Variants in AXIN1 observed in about 807,000 individuals in gnomAD.
AXIN1 encodes axin-1.
In AXIN1, 30 loss-of-function variants were observed where a neutral mutation model predicts 76.4. That is an observed-to-expected ratio of 0.39 (90% CI 0.29 to 0.53). The LOEUF (loss-of-function observed/expected upper bound fraction) is 0.53. Ranked by LOEUF, AXIN1 falls within the 20% of genes least tolerant of loss-of-function variation. AXIN1 has a pLI of 0.66. For missense variants in AXIN1, 1,140 were observed against 1,198.8 expected (o/e 0.95, Z 0.72); for synonymous variants, 545 against 501.4 (o/e 1.09, Z -1.16).
intron 2 of AXIN1, among the ~76,000 whole-genome samples, chr16:336,380 C>G (rs2141670710): frequency 6.6e-6 from 1 of 152,356 alleles, no homozygotes; most frequent in Admixed American, 6.5e-5. Context: ...GCACGTTACT[C>G]AGAAAAGGCA....
intron 2 of AXIN1, among the ~76,000 whole-genome samples, chr16:316,032 G>A (rs1191924635): frequency 4.6e-5 from 7 of 152,030 alleles, no homozygotes; most frequent in Non-Finnish European, 4.4e-5. Context: ...CAGCCTGGGC[G>A]ACAGAGTAAG....
chr16:334,731 C>T (rs2053768715), intron 2 of AXIN1, among the ~76,000 whole-genome samples: 1 of 151,880 alleles, frequency 6.6e-6, no homozygotes, highest in Non-Finnish European at 1.5e-5. Flanking sequence ...CCACAGCATG[C>T]CAATAACACA....
chr16:318,196 T>C (rs1186251539), intron 2 of AXIN1, among the ~76,000 whole-genome samples: 8 of 152,234 alleles, frequency 5.3e-5, no homozygotes, highest in Admixed American at 2.0e-4. Flanking sequence ...TGTTCATGTG[T>C]CCAATTCCAA....
At chr16:337,497 CAAA>C (rs35744069) in intron 2 of AXIN1, among the ~76,000 whole-genome samples, 3 of 72,024 alleles carry the variant, frequency 4.2e-5, no homozygotes, top group Non-Finnish European at 6.1e-5. Context: ...GGGTCAAAAC[CAAA>C]AAAAAAAAAA....
intron 5 of AXIN1, 124 bp downstream of exon 5, chr16:304,180 G>C: frequency 6.6e-7 from 1 of 1,511,084 alleles, no homozygotes; most frequent in East Asian, 2.3e-5. Flanking sequence ...TCAGCCGGGA[G>C]GCCTCATGGG....
chr16:332,318 C>A (rs185441354), intron 2 of AXIN1, among the ~76,000 whole-genome samples: 1 of 152,322 alleles, frequency 6.6e-6, no homozygotes, highest in African/African-American at 2.4e-5. Context: ...TGGCTCACGC[C>A]TGTAATCCCA....
At chr16:333,701 G>T (rs545350814) in intron 2 of AXIN1, among the ~76,000 whole-genome samples, 1 of 151,948 alleles carries the variant, frequency 6.6e-6, no homozygotes, top group Non-Finnish European at 1.5e-5. Context: ...TTATGGGGGG[G>T]GTGCCACCCA....
chr16:335,649 G>A (rs754886497), intron 2 of AXIN1, among the ~76,000 whole-genome samples: 2 of 151,580 alleles, frequency 1.3e-5, no homozygotes, highest in Non-Finnish European at 2.9e-5. Flanking sequence ...GTACCACTGC[G>A]CCCAGTTACA....
rs548567255 is a variant in AXIN1, at chr16:304,425, G to C, written c.1133C>G (p.Pro378Arg). 2.9e-5 allele frequency: 46 copies of C among 1,612,704 alleles called. No individual in the cohort carries two copies. In the South Asian group the frequency reaches 4.4e-4, roughly 15 times the overall value. Residue 378 changes from proline (P) to arginine (R), a missense_variant, in exon 5 of 11, where the codon CCG (proline) becomes CGG (arginine). Physicochemically the swap from Pro to Arg is moderately radical, Grantham distance 103 (BLOSUM62 -2). Around this residue, in one of 3 missense-constraint regions of AXIN1, gnomAD observed 708 missense variants for 776.9 expected, o/e 0.91. Transcript: ENST00000262320. ...LPHIPRTYRV[P>R]KEVRVEPQKF... ...CTGAGGCTCCACGCGGACCTCCTTC[G>C]GCACCCGGTACGTGCGCTGCGAGGG...
At chr16:332,493 G>A (rs12719802) in intron 2 of AXIN1, among the ~76,000 whole-genome samples, 39,914 of 150,872 alleles carry the variant, frequency 0.26, 5,607 homozygotes, top group South Asian at 0.4. Flanking sequence ...GGAGAATGGC[G>A]TGAACCCGGG....
At chr16:305,117 A>G (rs530367837) in intron 4 of AXIN1, among the ~76,000 whole-genome samples, 13 of 152,336 alleles carry the variant, frequency 8.5e-5, no homozygotes, top group African/African-American at 2.9e-4. Context: ...CACGGCAGGG[A>G]AGGACGCCCA....
intron 2 of AXIN1, 147 bp downstream of exon 2, chr16:346,001 A>G (rs2054025520): frequency 1.3e-6 from 1 of 748,922 alleles, no homozygotes; most frequent in Admixed American, 2.5e-5. Context: ...CAAAAGTATC[A>G]CAAATAAGAA....
At chr16:302,353 C>A (rs530297572) in intron 5 of AXIN1, among the ~76,000 whole-genome samples, 151 of 152,378 alleles carry the variant, frequency 9.9e-4, no homozygotes, top group Non-Finnish European at 1.6e-3. Flanking sequence ...CACCCTCAGA[C>A]CAACGGCCAG....
At chr16:318,904 G>C (rs2053371402) in intron 2 of AXIN1, among the ~76,000 whole-genome samples, 1 of 151,888 alleles carries the variant, frequency 6.6e-6, no homozygotes, top group Non-Finnish European at 1.5e-5. Context: ...TGCAGCCGGG[G>C]CCTTGGTGAG....
In AXIN1 at chr16:332,028, A is replaced by T. The variant is rs546071297; in HGVS notation, c.878+14120T>A. On this transcript the variant is annotated intron_variant, in intron 2 of 10. Coordinates refer to ENST00000262320, the MANE Select transcript of AXIN1 (RefSeq NM_003502.4). ...TCCCAGGGCCTCAGTTTCCACATGG[A>T]TGGCATGACACTCCCACACCTCGTT... 3.9e-5 allele frequency among the ~76,000 whole-genome samples: 6 copies of T among 152,232 alleles called. No individual in the cohort carries two copies. In the South Asian group the frequency reaches 1.2e-3, roughly 32 times the overall value.
At chr16:297,331 G>A (rs983245884) in intron 6 of AXIN1, 105 bp from the exon 7 acceptor site, 21 of 1,465,080 alleles carry the variant, frequency 1.4e-5, no homozygotes, top group Non-Finnish European at 1.9e-5. Context: ...CTCCCGTGGT[G>A]CAGCCGCCGC....
chr16:342,253 G>T (rs1286051259), intron 2 of AXIN1, among the ~76,000 whole-genome samples: 4 of 152,166 alleles, frequency 2.6e-5, no homozygotes, highest in African/African-American at 9.7e-5. Flanking sequence ...CCAGAAGGAA[G>T]AAACTCCGAA....
rs2141458164 is a variant in AXIN1 at position 288,044 on chromosome 16, T to G, written c.*78A>C. The G allele has an allele frequency of 6.2e-7, 1 of 1,606,666 alleles. No homozygotes were observed. Among genetic ancestry groups the G allele is most frequent in the East Asian group, 2.2e-5 (1 of 44,840 alleles). ...CACTGTTCCCCATCGGGCTCCTGAG[T>G]ACGAGGTCATCTGCCTGGCCGTGAC... is the stretch of plus-strand genomic sequence containing the variant. On this transcript the variant is annotated 3_prime_UTR_variant, in exon 11 of 11. Transcript: ENST00000262320.
chr16:301,103 T>C (rs546092065), intron 5 of AXIN1, among the ~76,000 whole-genome samples: 11 of 152,096 alleles, frequency 7.2e-5, no homozygotes, highest in African/African-American at 2.4e-4. Flanking sequence ...ACCCCGTCTC[T>C]ACTAAAAATA....
Sources: allele counts gnomAD v4.1 joint callset (sites outside exome capture counted in the v4.1 genomes callset), GRCh38; gene constraint gnomAD v4.1.1; regional missense constraint gnomAD v4.1.1; transcripts MANE v1.5; gene names NCBI Gene and HGNC (gene_info 2026-07-23, HGNC 2026-07-21).